Variants in MALRD1 observed in about 807,000 individuals in gnomAD.
The protein encoded by MALRD1 is MAM and LDL receptor class A domain containing 1, also known as MAM and LDL-receptor class A domain-containing protein 1.
Under a neutral mutation model 242.1 loss-of-function variants are expected in MALRD1, and 247 were observed. That is an observed-to-expected ratio of 1.02 (90% CI 0.92 to 1.13). The LOEUF (loss-of-function observed/expected upper bound fraction) is 1.13, where lower values mean the gene tolerates loss of function less well. Among genes scored for constraint, MALRD1 ranks in the 50% most tolerant of loss-of-function variants. MALRD1 has a pLI of 0.00. For synonymous variants in MALRD1, 995 were observed against 866.6 expected, an observed-to-expected ratio of 1.15 and a Z score of -2.60; for missense variants, 2,989 against 2,533.1, an observed-to-expected ratio of 1.18 and a Z score of -3.86.
At chr10:19,687,024 A>AT (rs1291724171) in intron 36 of MALRD1, among the ~76,000 whole-genome samples, 3 of 151,670 alleles carry the variant, frequency 2.0e-5, no homozygotes, top group Non-Finnish European at 2.9e-5. Context: ...TAACGAGTGG[A>AT]TTTTTTTCCC....
At chr10:19,581,473 G>A (rs940887520) in intron 33 of MALRD1, among the ~76,000 whole-genome samples, 4 of 150,752 alleles carry the variant, frequency 2.7e-5, no homozygotes, top group African/African-American at 9.8e-5. Context: ...TGTGGTGTTT[G>A]GTATTTTGTT....
At chr10:19,530,437 T>TAAATATTATATATTTATATAATAATA (rs1834348057) in intron 31 of MALRD1, among the ~76,000 whole-genome samples, 1 of 39,510 alleles carries the variant, frequency 2.5e-5, no homozygotes, top group African/African-American at 5.9e-5. Flanking sequence ...ATAATATATA[T>TAAATATTATATATTTATATAATAATA]AATATATAAT....
chr10:19,360,592 C>T (rs1844848610), intron 26 of MALRD1, among the ~76,000 whole-genome samples: 1 of 152,016 alleles, frequency 6.6e-6, no homozygotes, highest in Admixed American at 6.6e-5. Flanking sequence ...TGTTATAGTA[C>T]AGAAATTGTA....
chr10:19,148,166 A>T (rs1167611539), intron 11 of MALRD1, among the ~76,000 whole-genome samples: 1 of 152,168 alleles, frequency 6.6e-6, no homozygotes, highest in South Asian at 2.1e-4. Flanking sequence ...GGATGTGCTG[A>T]AGAAATATCA....
intron 38 of MALRD1, among the ~76,000 whole-genome samples, chr10:19,700,869 T>G (rs1004965135): frequency 1.3e-5 from 2 of 152,150 alleles, no homozygotes; most frequent in African/African-American, 4.8e-5. Context: ...GAGAGAAGGA[T>G]TCCCTCAGGC....
At chr10:19,254,892 C>T (rs1365382985) in intron 18 of MALRD1, among the ~76,000 whole-genome samples, 2 of 151,948 alleles carry the variant, frequency 1.3e-5, no homozygotes, top group East Asian at 3.9e-4. Flanking sequence ...TTCCATTTCT[C>T]TTATGAGTTA....
intron 26 of MALRD1, among the ~76,000 whole-genome samples, chr10:19,381,865 A>C (rs2130787402): frequency 6.6e-6 from 1 of 152,026 alleles, no homozygotes; most frequent in Non-Finnish European, 1.5e-5. Context: ...AAAAATGATT[A>C]TCATTAATAT....
intron 35 of MALRD1, 111 bp from the exon 36 acceptor site, chr10:19,615,746 A>G: frequency 1.1e-6 from 1 of 891,346 alleles, no homozygotes; most frequent in Non-Finnish European, 1.6e-6. Flanking sequence ...GCAACTGGAA[A>G]GGAATTTACT....
chr10:19,239,392 G>T (rs1232896548), intron 18 of MALRD1, among the ~76,000 whole-genome samples: 1 of 152,010 alleles, frequency 6.6e-6, no homozygotes, highest in African/African-American at 2.4e-5. Context: ...TATAATGTGG[G>T]CATTAACTCC....
intron 28 of MALRD1, among the ~76,000 whole-genome samples, chr10:19,394,323 T>C (rs1218930672): frequency 1.3e-5 from 2 of 152,186 alleles, no homozygotes; most frequent in Non-Finnish European, 2.9e-5. Flanking sequence ...GCTCACATGG[T>C]ATTTTAAGAA....
chr10:19,176,301 A>T (rs576351019), intron 14 of MALRD1, among the ~76,000 whole-genome samples: 64 of 151,418 alleles, frequency 4.2e-4, no homozygotes, highest in African/African-American at 1.5e-3. Flanking sequence ...GCGATTAAAG[A>T]ACTTTTAATT....
At chr10:19,705,413 C>G (rs1833817124) in intron 38 of MALRD1, among the ~76,000 whole-genome samples, 1 of 152,124 alleles carries the variant, frequency 6.6e-6, no homozygotes, top group Non-Finnish European at 1.5e-5. Flanking sequence ...ATAATGCTGG[C>G]AAAACCGTTA....
At chr10:19,714,476 G>A (rs773092986) in intron 38 of MALRD1, among the ~76,000 whole-genome samples, 3 of 152,104 alleles carry the variant, frequency 2.0e-5, no homozygotes, top group African/African-American at 4.8e-5. Flanking sequence ...CTAGGGTCTC[G>A]GGGTTTTTAT....
At chr10:19,467,473 A>G (rs1375266516) in intron 29 of MALRD1, among the ~76,000 whole-genome samples, 1 of 149,760 alleles carries the variant, frequency 6.7e-6, no homozygotes, top group African/African-American at 2.4e-5. Context: ...TAGCTTACCC[A>G]TATTCTCTCA....
intron 32 of MALRD1, 80 bp from the exon 33 acceptor site, chr10:19,567,422 C>A: frequency 2.5e-6 from 3 of 1,219,570 alleles, no homozygotes; most frequent in East Asian, 2.5e-5. Context: ...CCAGAGATTT[C>A]ATTCTTTCAT....
chr10:19,270,330 TCTCTCTCACACACA>T (rs1405038514), intron 19 of MALRD1, among the ~76,000 whole-genome samples: 18 of 106,996 alleles, frequency 1.7e-4, no homozygotes, highest in East Asian at 5.2e-4. Flanking sequence ...TCTCTCTCTC[TCTCTCTCACACACA>T]CACACACACA....
chr10:19,057,032 A>G (rs1014370925), intron 1 of MALRD1, among the ~76,000 whole-genome samples: 3 of 152,058 alleles, frequency 2.0e-5, no homozygotes, highest in African/African-American at 4.8e-5. Flanking sequence ...CCACTTGATC[A>G]TGCCAAATGC....
At chr10:19,348,437 ATAGT>A (rs1844227036) in intron 25 of MALRD1, among the ~76,000 whole-genome samples, 2 of 151,312 alleles carry the variant, frequency 1.3e-5, no homozygotes, top group African/African-American at 4.9e-5. Flanking sequence ...AATATTAGAG[ATAGT>A]TAGAGCCACA....
rs1237757942 is a variant in MALRD1, at chr10:19,229,227, TA to T, written c.2991+19553del. 4.6e-5 allele frequency among the ~76,000 whole-genome samples: 7 copies of T among 152,304 alleles called. No homozygotes were observed. The South Asian group carries it at 1.4e-3, about 32-fold the overall frequency. ...TAACAATATATCAGAATGTATTAGG[TA>T]AAAAATAAGTAAACTAGTATAACGA... On this transcript the variant is annotated intron_variant, in intron 18 of 39. Coordinates refer to ENST00000454679, the MANE Select transcript of MALRD1 (RefSeq NM_001142308.3).
Sources: gnomAD v4.1 joint callset for allele counts (sites outside exome capture counted in the v4.1 genomes callset) on GRCh38, gnomAD v4.1.1 for gene constraint, MANE v1.5 for transcripts, NCBI Gene and HGNC (gene_info 2026-07-23, HGNC 2026-07-21) for gene names.